The following GRIA2 variants were observed in gnomAD, a reference collection of about 807,000 sequenced individuals.
The protein encoded by GRIA2 is glutamate receptor 2.
In GRIA2, 14 loss-of-function variants were observed where a neutral mutation model predicts 97.3. The ratio of observed to expected loss-of-function variants is 0.14; its 90% CI spans 0.10 to 0.23. The LOEUF is 0.23. GRIA2 is among the 10% of genes least tolerant of loss of function. The pLI is 1.00. For missense variants in GRIA2, 558 were observed against 1,069.8 expected (o/e 0.52, Z 6.67); for synonymous variants, 412 against 387.8 (o/e 1.06, Z -0.73).
chr4:157,269,191 G>T (rs558205896), intron 2 of GRIA2, among the ~76,000 whole-genome samples: 1 of 151,896 alleles, frequency 6.6e-6, no homozygotes, highest in South Asian at 2.1e-4. Context: ...AAAAGAAGAT[G>T]AAAAAAATTG....
intron 11 of GRIA2, among the ~76,000 whole-genome samples, chr4:157,337,678 T>G (rs931336097): frequency 3.3e-5 from 5 of 151,926 alleles, no homozygotes; most frequent in African/African-American, 1.2e-4. Context: ...TTGTAAATTT[T>G]TAAAATCACT....
chr4:157,360,181 A>G (rs745721357), intron 13 of GRIA2, 38 bp downstream of exon 13: 2 of 1,598,006 alleles, frequency 1.3e-6, no homozygotes, highest in Non-Finnish European at 1.7e-6. Context: ...AAATGTTGTT[A>G]TAGTATCCCA....
intron 2 of GRIA2, among the ~76,000 whole-genome samples, chr4:157,264,966 A>T (rs1038057529): frequency 7.2e-5 from 11 of 152,082 alleles, no homozygotes; most frequent in Non-Finnish European, 1.5e-5. Context: ...TTAAACTGAG[A>T]CACAGAGAGT....
At chr4:157,268,271 G>A (rs958897658) in intron 2 of GRIA2, among the ~76,000 whole-genome samples, 4 of 151,924 alleles carry the variant, frequency 2.6e-5, no homozygotes, top group African/African-American at 9.7e-5. Context: ...AGGGAATCTT[G>A]GTGTTTCTAG....
At chr4:157,259,720 A>G (rs1008716221) in intron 2 of GRIA2, among the ~76,000 whole-genome samples, 2 of 152,118 alleles carry the variant, frequency 1.3e-5, no homozygotes, top group Non-Finnish European at 2.9e-5. Context: ...GAAAGTACTG[A>G]ATATAGATTA....
At chr4:157,348,589 A>G (rs1302196603) in intron 12 of GRIA2, among the ~76,000 whole-genome samples, 1 of 152,190 alleles carries the variant, frequency 6.6e-6, no homozygotes, top group Non-Finnish European at 1.5e-5. Context: ...TCAAGCAATG[A>G]CAAATATTAT....
intron 2 of GRIA2, among the ~76,000 whole-genome samples, chr4:157,263,723 A>G (rs1731647650): frequency 6.6e-6 from 1 of 152,198 alleles, no homozygotes; most frequent in African/African-American, 2.4e-5. Context: ...AAAAATATCT[A>G]CACAGTATAT....
At chr4:157,237,248 T>C (rs541924719) in intron 2 of GRIA2, among the ~76,000 whole-genome samples, 1 of 152,084 alleles carries the variant, frequency 6.6e-6, no homozygotes, top group East Asian at 1.9e-4. Context: ...TCACAACGTA[T>C]ATAAACATGA....
At chr4:157,288,848 GAAAT>G (rs1732963648) in intron 2 of GRIA2, among the ~76,000 whole-genome samples, 1 of 151,704 alleles carries the variant, frequency 6.6e-6, no homozygotes, top group Admixed American at 6.6e-5. Flanking sequence ...ATGTTTTGAG[GAAAT>G]AAATATTTTA....
chr4:157,331,894 G>T (rs1445264288), intron 6 of GRIA2, among the ~76,000 whole-genome samples: 2 of 151,990 alleles, frequency 1.3e-5, no homozygotes, highest in East Asian at 3.9e-4. Context: ...TTGGATTGGT[G>T]ATCAAGAATT....
intron 2 of GRIA2, among the ~76,000 whole-genome samples, chr4:157,270,718 A>G (rs1007166670): frequency 1.3e-5 from 2 of 152,046 alleles, no homozygotes; most frequent in Admixed American, 6.6e-5. Flanking sequence ...GGATTACACA[A>G]AGTATTACGG....
intron 12 of GRIA2, among the ~76,000 whole-genome samples, chr4:157,356,826 C>T (rs1199421903): frequency 6.8e-6 from 1 of 146,560 alleles, no homozygotes; most frequent in Non-Finnish European, 1.5e-5. Context: ...GTAGTGTGCT[C>T]CCCAGTGCAT....
intron 12 of GRIA2, among the ~76,000 whole-genome samples, chr4:157,352,770 A>G: frequency 1.3e-5 from 2 of 150,854 alleles, no homozygotes; most frequent in Non-Finnish European, 3.0e-5. Context: ...AAACACTTAT[A>G]GGCCCGGCAT....
chr4:157,233,723 G>T (rs1730122766), intron 2 of GRIA2, among the ~76,000 whole-genome samples: 1 of 151,952 alleles, frequency 6.6e-6, no homozygotes, highest in Non-Finnish European at 1.5e-5. Context: ...TAAACCCCAT[G>T]CTCAAAGCAA....
At chr4:157,240,236 A>G (rs917566456) in intron 2 of GRIA2, among the ~76,000 whole-genome samples, 1 of 151,998 alleles carries the variant, frequency 6.6e-6, no homozygotes, top group Non-Finnish European at 1.5e-5. Context: ...AGCTTTTTCC[A>G]TGTTGGGAAA....
intron 12 of GRIA2, among the ~76,000 whole-genome samples, chr4:157,353,498 G>T (rs562396711): frequency 1.1e-3 from 166 of 150,844 alleles, no homozygotes; most frequent in African/African-American, 3.7e-3. Context: ...ATGAAACCCC[G>T]TCTCTAATAA....
chr4:157,360,824 A>G (rs1736600741), intron 13 of GRIA2, 186 bp from the exon 14 acceptor site: 34 of 661,728 alleles, frequency 5.1e-5, no homozygotes, highest in South Asian at 4.0e-4. Context: ...GTTATGCTCT[A>G]CCACCTTACC....
chr4:157,263,914 T>A (rs1044791683), intron 2 of GRIA2, among the ~76,000 whole-genome samples: 1 of 152,120 alleles, frequency 6.6e-6, no homozygotes, highest in Non-Finnish European at 1.5e-5. Flanking sequence ...TCTTTTCTAC[T>A]ATTTCTCTGT....
intron 2 of GRIA2, among the ~76,000 whole-genome samples, chr4:157,254,116 T>C (rs1252951863): frequency 6.6e-6 from 1 of 152,102 alleles, no homozygotes; most frequent in East Asian, 1.9e-4. Context: ...GAAATATGTA[T>C]GTATGATTAT....
Sources: gnomAD v4.1 joint callset for allele counts (sites outside exome capture counted in the v4.1 genomes callset) on GRCh38, gnomAD v4.1.1 for gene constraint, MANE v1.5 for transcripts, NCBI Gene and HGNC (gene_info 2026-07-23, HGNC 2026-07-21) for gene names.